CLTCL1: variants seen among roughly 807,000 people sequenced by gnomAD.
The protein encoded by CLTCL1 is clathrin heavy chain like 1.
In CLTCL1, 159 loss-of-function variants were observed where a neutral mutation model predicts 190.0. That is an observed-to-expected ratio of 0.84 (90% CI 0.74 to 0.95). CLTCL1 has a LOEUF of 0.95. CLTCL1 is among the 40% of genes least tolerant of loss of function. CLTCL1 has a pLI of 0.00. For missense variants in CLTCL1, 1,878 were observed against 2,033.4 expected (o/e 0.92, Z 1.47); for synonymous variants, 752 against 769.6 (o/e 0.98, Z 0.38).
chr22:19,191,406 G>T lies in CLTCL1; in HGVS notation c.4221C>A (p.Ala1407=). 2 of 1,613,884 alleles carry T rather than the reference G, an allele frequency of 1.2e-6. No homozygotes were observed. Among genetic ancestry groups the T allele is most frequent in the Non-Finnish European group, 1.7e-6 (2 of 1,179,868 alleles). Residue 1407 remains alanine, a synonymous_variant, in exon 27 of 33, where the codon GCC becomes GCA. Transcript: ENST00000427926. ...GTTTGTAATCCAAATAGAACTGCAG[G>T]GCTCTGTAACAGAGCTCGACGTTGG... The part of the protein sequence containing the change: ...KVANVELCYR[A]LQFYLDYKPL...
chr22:19,238,947 CTACATTAGGTATTT>C (rs1341918053), intron 5 of CLTCL1, among the ~76,000 whole-genome samples: 4 of 152,176 alleles, frequency 2.6e-5, no homozygotes, highest in African/African-American at 9.7e-5. Context: ...AACCCGTCAC[CTACATTAGGTATTT>C]TATTCTTTAA....
At chr22:19,276,919 T>G (rs552317114) in intron 1 of CLTCL1, among the ~76,000 whole-genome samples, 137 of 152,072 alleles carry the variant, frequency 9.0e-4, no homozygotes, top group African/African-American at 2.1e-3. Flanking sequence ...TGATCCGCCC[T>G]CCTTGGCCTC....
intron 3 of CLTCL1, among the ~76,000 whole-genome samples, chr22:19,247,214 G>C (rs1198992824): frequency 1.4e-4 from 21 of 152,124 alleles, no homozygotes; most frequent in Admixed American, 1.4e-3. Context: ...TTTTGCATGT[G>C]GATATTTAGT....
intron 1 of CLTCL1, among the ~76,000 whole-genome samples, chr22:19,278,509 G>A (rs780694830): frequency 2.0e-4 from 30 of 152,258 alleles, no homozygotes; most frequent in Non-Finnish European, 4.1e-4. Context: ...ACATATTTAA[G>A]TAAACCAAGA....
chr22:19,239,286 C>A lies in CLTCL1; in HGVS notation c.784G>T (p.Val262Leu), dbSNP rs1213289687. 1.9e-6 allele frequency: 3 copies of A among 1,613,404 alleles called. No individual in the cohort carries two copies. In the African/African-American group the frequency reaches 4.0e-5, roughly 22 times the overall value. The stretch of plus-strand genomic sequence containing the variant: ...CAGCACATTCGTACCTGCATAGCCA[C>A]TGGAAAATCATTCTGTGCCTCTGGA... ...FPPEAQNDFP[V>L]AMQIGAKHGV... The change falls in exon 5 of 33, where the codon GTG becomes TTG. Residue 262 changes from valine (V) to leucine (L), a missense_variant. Val to Leu is a conservative substitution (Grantham distance 32). Transcript: ENST00000427926.
In CLTCL1 at chr22:19,225,486, C is replaced by A; in HGVS notation, c.2095G>T (p.Val699Leu). The A allele has an allele frequency of 6.3e-7, 1 of 1,587,090 alleles. No homozygotes were observed. Among genetic ancestry groups the A allele is most frequent in the Non-Finnish European group, 8.6e-7 (1 of 1,166,066 alleles). ...YHEQLGTQAL[V>L]ELFESFKSYK... ...CTCTTGAAGGATTCAAAGAGCTCCA[C>A]CAGGGCCTGCGTGCCCAGCTGCTCG... is the stretch of plus-strand genomic sequence containing the variant. The change falls in exon 13 of 33, where the codon GTG becomes TTG. Residue 699 changes from valine (V) to leucine (L), a missense_variant. Coordinates refer to ENST00000427926, the MANE Select transcript of CLTCL1 (RefSeq NM_007098.4).
chr22:19,221,966 A>G lies in CLTCL1; in HGVS notation c.2546T>C (p.Val849Ala), dbSNP rs782077871. 6.2e-7 allele frequency: 1 copy of G among 1,613,686 alleles called. No homozygotes were observed. Among genetic ancestry groups the G allele is most frequent in the Admixed American group, 1.7e-5 (1 of 59,944 alleles). Residue 849 changes from valine to alanine, a missense_variant, in exon 16 of 33, where the codon GTA becomes GCA. Transcript: ENST00000427926. ...QFSTDELVAEVEKRNRLKLLL... is the reference protein window; with the variant it reads ...QFSTDELVAEAEKRNRLKLLL... ...GACACCTTACCTATTTCTTTTTTCT[A>G]CTTCAGCCACCAACTCATCAGTAGA...
chr22:19,291,362 C>A (rs2088113802), intron 1 of CLTCL1, among the ~76,000 whole-genome samples: 1 of 152,182 alleles, frequency 6.6e-6, no homozygotes, highest in Non-Finnish European at 1.5e-5. Context: ...GGCTTCCACC[C>A]CCACCATTCC....
intron 1 of CLTCL1, among the ~76,000 whole-genome samples, chr22:19,287,938 G>A (rs1368247014): frequency 2.0e-5 from 3 of 152,270 alleles, no homozygotes; most frequent in South Asian, 2.1e-4. Flanking sequence ...CTTCTTATCC[G>A]TGGTTTTTTT....
At chr22:19,243,828 G>C (rs2086336022) in intron 3 of CLTCL1, among the ~76,000 whole-genome samples, 1 of 150,806 alleles carries the variant, frequency 6.6e-6, no homozygotes, top group African/African-American at 2.4e-5. Context: ...CTCCTGAGTA[G>C]CTGGGACTAT....
intron 9 of CLTCL1, 57 bp downstream of exon 9, chr22:19,233,109 A>C: frequency 6.4e-7 from 1 of 1,553,680 alleles, no homozygotes; most frequent in Admixed American, 1.8e-5. Flanking sequence ...TAAAATCAGC[A>C]ACCACTCAAC....
intron 2 of CLTCL1, among the ~76,000 whole-genome samples, chr22:19,268,071 T>G (rs1376751465): frequency 6.6e-6 from 1 of 152,150 alleles, no homozygotes; most frequent in African/African-American, 2.4e-5. Flanking sequence ...CTCTCCAAAA[T>G]GCATGCTGAA....
At position 19,193,231 on chromosome 22, in the gene CLTCL1, T is replaced by C. The variant is rs1341289657; in HGVS notation, c.4192-1796A>G. 1.3e-5 allele frequency among the ~76,000 whole-genome samples: 2 copies of C among 152,238 alleles called. 1 individual carries two copies. The highest frequency in any genetic ancestry group is 4.1e-4 in the South Asian group (2 of 4,836). Reference sequence around the variant, plus strand: ...CCCTTGTGGGACACCTGGTACCATGTGCACTCTTGGCCCTTTCAACAGGTC... The same window carrying C: ...CCCTTGTGGGACACCTGGTACCATGCGCACTCTTGGCCCTTTCAACAGGTC... On this transcript the variant is annotated intron_variant, in intron 26 of 32. Transcript: ENST00000427926.
chr22:19,236,152 C>A (rs1382502515), intron 5 of CLTCL1, among the ~76,000 whole-genome samples: 4 of 152,048 alleles, frequency 2.6e-5, no homozygotes, highest in African/African-American at 7.2e-5. Flanking sequence ...TTTCTCAGGC[C>A]GAGAGATTAC....
At chr22:19,271,235 G>C (rs751325184) in intron 2 of CLTCL1, among the ~76,000 whole-genome samples, 2 of 152,166 alleles carry the variant, frequency 1.3e-5, no homozygotes, top group African/African-American at 4.8e-5. Context: ...GATATGGTTT[G>C]GTTCTGTGTC....
chr22:19,264,767 C>T lies in CLTCL1; in HGVS notation c.251-10540G>A, dbSNP rs114426474. The stretch of plus-strand genomic sequence containing the variant: ...GATTTCTTGAATTCACAAAAAGGAG[C>T]AACTCAATGGTGAAATTTCATGCAA... On this transcript the variant is annotated intron_variant, in intron 2 of 32. Transcript: ENST00000427926. Among the ~76,000 whole-genome samples the T allele has an allele frequency of 5.8e-3, 881 of 151,894 alleles. 10 individuals are homozygous for T. Among genetic ancestry groups the T allele is most frequent in the African/African-American group, 0.02 (812 of 41,422 alleles).
chr22:19,210,460 G>C lies in CLTCL1; in HGVS notation c.3115C>G (p.Arg1039Gly), dbSNP rs117166674. The stretch of plus-strand genomic sequence containing the variant: ...AGGCGGCTGATGTACTCCATGACCC[G>C]TGTGCGGTCTGCCTTGATGGCAGTC... ...ILTAIKADRTRVMEYISRLDN... is the reference protein window; with the variant it reads ...ILTAIKADRTGVMEYISRLDN... The change falls in exon 20 of 33, where the codon CGG (arginine) becomes GGG (glycine). Residue 1039 changes from arginine (R) to glycine (G), a missense_variant. Coordinates refer to ENST00000427926, the MANE Select transcript of CLTCL1 (RefSeq NM_007098.4). The C allele has an allele frequency of 1.2e-6, 2 of 1,613,970 alleles. No homozygotes were observed. The highest frequency in any genetic ancestry group is 1.7e-5 in the Admixed American group (1 of 60,014).
At chr22:19,212,118 T>G (rs186032105) in intron 19 of CLTCL1, among the ~76,000 whole-genome samples, 32 of 152,214 alleles carry the variant, frequency 2.1e-4, no homozygotes, top group Non-Finnish European at 3.4e-4. Flanking sequence ...AGAATCAACA[T>G]AGTAAAGATA....
At chr22:19,256,548 G>A (rs1055513532) in intron 2 of CLTCL1, among the ~76,000 whole-genome samples, 3 of 151,546 alleles carry the variant, frequency 2.0e-5, no homozygotes, top group Non-Finnish European at 4.4e-5. Flanking sequence ...TGTAGAGATG[G>A]GGTTTCACCA....
Sources: gnomAD v4.1 joint callset for allele counts (sites outside exome capture counted in the v4.1 genomes callset) on GRCh38, gnomAD v4.1.1 for gene constraint, MANE v1.5 for transcripts, NCBI Gene and HGNC (gene_info 2026-07-23, HGNC 2026-07-21) for gene names.